The following SEMA3A variants were observed in gnomAD, a reference collection of about 807,000 sequenced individuals.
SEMA3A encodes the protein semaphorin 3A, also known as semaphorin-3A.
A neutral mutation model predicts 97.9 loss-of-function variants in SEMA3A; 29 were observed. That is an observed-to-expected ratio of 0.30 (90% CI 0.22 to 0.40). The LOEUF (loss-of-function observed/expected upper bound fraction) is 0.40. Ranked by LOEUF, SEMA3A falls within the 10% of genes least tolerant of loss-of-function variation. The pLI, the probability that SEMA3A is intolerant of heterozygous loss-of-function variation, is 1.00. For missense variants in SEMA3A, 763 were observed against 951.3 expected, an observed-to-expected ratio of 0.80 and a Z score of 2.60; for synonymous variants, 321 against 323.7, an observed-to-expected ratio of 0.99 and a Z score of 0.09.
At chr7:84,154,884 C>A (rs74556504) in intron 1 of SEMA3A, among the ~76,000 whole-genome samples, 11,743 of 151,590 alleles carry the variant, frequency 0.077, 781 homozygotes, top group African/African-American at 0.17. Context: ...TTTTAAGAGA[C>A]AATATTTTTA....
intron 1 of SEMA3A, among the ~76,000 whole-genome samples, chr7:84,458,760 C>G (rs1326308744): frequency 6.6e-6 from 1 of 151,984 alleles, no homozygotes; most frequent in Non-Finnish European, 1.5e-5. Flanking sequence ...AGGATTAAAT[C>G]AGGGTAATGG....
rs1171968785 is a variant in SEMA3A, at chr7:84,011,268, C to T, written c.840G>A (p.Val280=). 2 of 1,613,848 alleles carry T rather than the reference C, an allele frequency of 1.2e-6. No homozygotes were observed. The highest frequency in any genetic ancestry group is 1.7e-6 in the Non-Finnish European group (2 of 1,179,780). The stretch of plus-strand genomic sequence containing the variant: ...CTTTGAGGAATGTTGTCCATTTATT[C>T]ACCAGACTTCTGTGCCCTCCAAAGT... The part of the protein sequence containing the change: ...KNDFGGHRSL[V]NKWTTFLKAR... Residue 280 remains valine (V), a synonymous_variant, in exon 8 of 17, where the codon GTG becomes GTA. Transcript: ENST00000265362.
intron 4 of SEMA3A, among the ~76,000 whole-genome samples, chr7:84,062,873 G>T (rs1479812696): frequency 6.6e-6 from 1 of 151,264 alleles, no homozygotes; most frequent in African/African-American, 2.4e-5. Flanking sequence ...AACTTGATTA[G>T]GTAAACAAAG....
Position 84,028,783 on chromosome 7 carries a change from AT to A in SEMA3A, c.668-14433del, listed in dbSNP as rs991787817. 1.3e-4 allele frequency among the ~76,000 whole-genome samples: 19 copies of A among 150,302 alleles called. No individual in the cohort carries two copies. In the South Asian group the frequency reaches 3.6e-3, roughly 28 times the overall value. On this transcript the variant is annotated intron_variant, in intron 6 of 16. Transcript: ENST00000265362. ...CCACCCCCTGCTAATTTTTATTTTT[AT>A]TTTTTTTTGTATTTTTAGTAGAGAC...
rs1188508748 is a variant in SEMA3A, at chr7:83,992,702, G to C, written c.1453-7225C>G. On this transcript the variant is annotated intron_variant, in intron 12 of 16. Transcript: ENST00000265362. ...TGAGAGATAGTTTGTTATAATTTCTGTTCTTTTACATTTGCTGAGGAGAGC... is the reference window on the plus strand; with the variant it reads ...TGAGAGATAGTTTGTTATAATTTCTCTTCTTTTACATTTGCTGAGGAGAGC... 1.1e-4 allele frequency among the ~76,000 whole-genome samples: 17 copies of C among 151,888 alleles called. No individual in the cohort carries two copies. The East Asian group carries it at 3.3e-3, about 30-fold the overall frequency.
intron 3 of SEMA3A, among the ~76,000 whole-genome samples, chr7:84,210,240 T>C (rs1360764958): frequency 6.6e-6 from 1 of 151,908 alleles, no homozygotes; most frequent in Non-Finnish European, 1.5e-5. Flanking sequence ...AAGAGTTACA[T>C]AAAAATAAAA....
chr7:84,230,887 C>A (rs1243997627), intron 3 of SEMA3A, among the ~76,000 whole-genome samples: 2 of 151,772 alleles, frequency 1.3e-5, no homozygotes, highest in Non-Finnish European at 2.9e-5. Context: ...GTTGTTATTT[C>A]TAACTTTATC....
intron 4 of SEMA3A, among the ~76,000 whole-genome samples, chr7:84,068,407 A>G (rs1454996322): frequency 2.7e-5 from 4 of 149,754 alleles, no homozygotes; most frequent in Non-Finnish European, 5.9e-5. Context: ...CATGTACCCT[A>G]AAACTTAAAG....
At chr7:84,294,687 T>A (rs1562890030) in intron 3 of SEMA3A, among the ~76,000 whole-genome samples, 1 of 152,088 alleles carries the variant, frequency 6.6e-6, no homozygotes, top group Non-Finnish European at 1.5e-5. Flanking sequence ...ATAATACTTG[T>A]AATCCTCTAA....
intron 1 of SEMA3A, among the ~76,000 whole-genome samples, chr7:84,175,813 G>C (rs1413797215): frequency 2.6e-5 from 4 of 151,848 alleles, no homozygotes; most frequent in Non-Finnish European, 5.9e-5. Flanking sequence ...TTGTAGATAT[G>C]TACTATTAAA....
At chr7:84,063,375 A>C (rs1235305353) in intron 4 of SEMA3A, among the ~76,000 whole-genome samples, 1 of 151,024 alleles carries the variant, frequency 6.6e-6, no homozygotes, top group Admixed American at 6.6e-5. Flanking sequence ...TCCTCCTCCA[A>C]AGGAACGCAG....
chr7:84,117,935 T>C (rs1016212251), intron 3 of SEMA3A, among the ~76,000 whole-genome samples: 2 of 152,246 alleles, frequency 1.3e-5, no homozygotes, highest in Non-Finnish European at 2.9e-5. Context: ...TATTAATTGA[T>C]AGGTAACTGG....
chr7:84,067,071 G>C (rs1396826855), intron 4 of SEMA3A, among the ~76,000 whole-genome samples: 9 of 152,138 alleles, frequency 5.9e-5, no homozygotes, highest in Admixed American at 1.3e-4. Flanking sequence ...TACCAAAACA[G>C]AGATATAGAT....
intron 2 of SEMA3A, among the ~76,000 whole-genome samples, chr7:84,358,644 T>G (rs1281722694): frequency 6.6e-6 from 1 of 152,154 alleles, no homozygotes; most frequent in African/African-American, 2.4e-5. Context: ...CCATATGAAC[T>G]TTAAAGTAGT....
chr7:84,044,675 G>T (rs887387477), intron 6 of SEMA3A, among the ~76,000 whole-genome samples: 3 of 152,096 alleles, frequency 2.0e-5, no homozygotes, highest in African/African-American at 7.2e-5. Flanking sequence ...TTGGATGAAT[G>T]CCAGGTTTAA....
chr7:84,288,191 T>A (rs1215707091), intron 3 of SEMA3A, among the ~76,000 whole-genome samples: 1 of 152,114 alleles, frequency 6.6e-6, no homozygotes, highest in African/African-American at 2.4e-5. Context: ...GCTCAGAAGA[T>A]CTTTCTATCT....
intron 4 of SEMA3A, among the ~76,000 whole-genome samples, chr7:84,071,057 A>G (rs1488131364): frequency 6.6e-6 from 1 of 152,114 alleles, no homozygotes; most frequent in Non-Finnish European, 1.5e-5. Flanking sequence ...AAATTTATCC[A>G]TAATTTACTT....
Position 84,001,959 on chromosome 7 carries a change from A to G in SEMA3A, c.1448T>C (p.Phe483Ser), listed in dbSNP as rs1790471467. The change falls in exon 12 of 17, where the codon TTT (phenylalanine) becomes TCT (serine). Residue 483 changes from phenylalanine to serine, a missense_variant. Phe to Ser is a radical substitution (Grantham distance 155). Around this residue, in one of 2 missense-constraint regions of SEMA3A, gnomAD observed 678 missense variants for 881.3 expected, o/e 0.77. Transcript: ENST00000265362. ...TTGAAATTAAGCAGCACTCACCCGA[A>G]AAACTGTCATTTCTTCCAGCAGAAC... ...EEVLLEEMTVFREPTAISAME... is the reference protein window; with the variant it reads ...EEVLLEEMTVSREPTAISAME... 1.2e-6 allele frequency: 2 copies of G among 1,609,804 alleles called. No individual in the cohort carries two copies. The highest frequency in any genetic ancestry group is 1.7e-5 in the Admixed American group (1 of 59,712).
intron 4 of SEMA3A, among the ~76,000 whole-genome samples, chr7:84,109,087 C>G (rs1795205932): frequency 6.6e-6 from 1 of 151,896 alleles, no homozygotes; most frequent in Admixed American, 6.6e-5. Flanking sequence ...TCACCTTGGG[C>G]CCAAGTTTTA....
Sources: gnomAD v4.1 joint callset for allele counts (sites outside exome capture counted in the v4.1 genomes callset) on GRCh38, gnomAD v4.1.1 for gene constraint, gnomAD v4.1.1 regional missense constraint, MANE v1.5 for transcripts, NCBI Gene and HGNC (gene_info 2026-07-23, HGNC 2026-07-21) for gene names.